ANKRD36: variants seen among roughly 807,000 people sequenced by gnomAD.
The protein encoded by ANKRD36 is ankyrin repeat domain-containing protein 36A.
A neutral mutation model predicts 278.1 loss-of-function variants in ANKRD36; 179 were observed. The ratio of observed to expected loss-of-function variants is 0.64; its 90% CI spans 0.57 to 0.73. The LOEUF is 0.73. Among genes scored for constraint, ANKRD36 ranks in the 30% least tolerant of loss-of-function variants. ANKRD36 has a pLI of 0.00. For synonymous variants in ANKRD36, 320 were observed against 641.1 expected (o/e 0.50, Z 7.57); for missense variants, 1,159 against 1,956.7 (o/e 0.59, Z 7.69).
Position 97,184,828 on chromosome 2 carries a change from G to A in ANKRD36, c.1940-488G>A, listed in dbSNP as rs370440454. ...TTTAGATCCCTTCCACTTAAGAGAC[G>A]TGAAGTGTACATTCATCTGAAGTGT... is the stretch of plus-strand genomic sequence containing the variant. On this transcript the variant is annotated intron_variant, in intron 28 of 75. Coordinates refer to ENST00000420699, the MANE Select transcript of ANKRD36 (RefSeq NM_001354587.1). Among the ~76,000 whole-genome samples, 12 of 151,736 alleles carry A rather than the reference G, an allele frequency of 7.9e-5. No homozygotes were observed. In the East Asian group the frequency reaches 1.7e-3, roughly 22 times the overall value.
intron 66 of ANKRD36, among the ~76,000 whole-genome samples, chr2:97,224,459 T>TC: frequency 6.6e-6 from 1 of 151,644 alleles, no homozygotes; most frequent in Admixed American, 6.6e-5. Context: ...TTTGTTTTTT[T>TC]TTTTTTGAGA....
At chr2:97,153,914 T>G (rs2046771697) in intron 14 of ANKRD36, among the ~76,000 whole-genome samples, 1 of 146,432 alleles carries the variant, frequency 6.8e-6, no homozygotes, top group Non-Finnish European at 1.5e-5. Context: ...CACTAGTCCC[T>G]CTCTTGGATA....
intron 12 of ANKRD36, among the ~76,000 whole-genome samples, chr2:97,151,126 CTCCCTCCTT>C (rs2045859147): frequency 6.6e-6 from 1 of 151,920 alleles, no homozygotes; most frequent in South Asian, 2.1e-4. Flanking sequence ...TTGTTTGTTG[CTCCCTCCTT>C]TCCCTTTGTT....
intron 1 of ANKRD36, among the ~76,000 whole-genome samples, chr2:97,116,928 T>G (rs1430777566): frequency 6.6e-6 from 1 of 152,076 alleles, no homozygotes; most frequent in Non-Finnish European, 1.5e-5. Context: ...AGCAGACAGA[T>G]TCCACCATCT....
In ANKRD36 at chr2:97,209,565, C is replaced by G. The variant is rs554953967; in HGVS notation, c.3266-116C>G. 27 of 1,564,982 alleles carry G rather than the reference C, an allele frequency of 1.7e-5. No homozygotes were observed. In the African/African-American group the frequency reaches 3.3e-4, roughly 19 times the overall value. On this transcript the variant is annotated intron_variant, in intron 54 of 75. Coordinates refer to ENST00000420699, the MANE Select transcript of ANKRD36 (RefSeq NM_001354587.1). ...TCCCCAGACACAAAGTAGAAGCCATCAAAGCCTCCACTAATACAGGCAGGA... is the reference window on the plus strand; with the variant it reads ...TCCCCAGACACAAAGTAGAAGCCATGAAAGCCTCCACTAATACAGGCAGGA...
chr2:97,204,124 A>C (rs1327405128), intron 49 of ANKRD36, 28 bp downstream of exon 49: 2 of 1,574,236 alleles, frequency 1.3e-6, no homozygotes, highest in Non-Finnish European at 1.7e-6. Flanking sequence ...TATATTGTGA[A>C]CTAGTAAATG....
intron 67 of ANKRD36, among the ~76,000 whole-genome samples, chr2:97,227,728 A>C (rs1227186099): frequency 4.6e-5 from 7 of 152,122 alleles, no homozygotes; most frequent in Non-Finnish European, 8.8e-5. Context: ...TTCAAAGGGA[A>C]TGCTTCCAGT....
At chr2:97,197,219 A>G (rs1251024659) in intron 42 of ANKRD36, among the ~76,000 whole-genome samples, 1 of 151,940 alleles carries the variant, frequency 6.6e-6, no homozygotes, top group East Asian at 1.9e-4. Flanking sequence ...CCCCTGTTGT[A>G]GCAATCATTT....
At chr2:97,230,636 A>G (rs1440679474) in intron 67 of ANKRD36, among the ~76,000 whole-genome samples, 4 of 151,962 alleles carry the variant, frequency 2.6e-5, no homozygotes, top group African/African-American at 4.8e-5. Context: ...TCTTCTCTCA[A>G]CTCGTCAAAG....
At chr2:97,234,944 T>C (rs1014016242) in intron 68 of ANKRD36, among the ~76,000 whole-genome samples, 4 of 134,950 alleles carry the variant, frequency 3.0e-5, no homozygotes, top group Non-Finnish European at 6.0e-5. Context: ...TTTACAAGGG[T>C]ATTTTTGCCA....
chr2:97,129,873 G>A (rs1211036836), intron 6 of ANKRD36, among the ~76,000 whole-genome samples: 1 of 152,022 alleles, frequency 6.6e-6, no homozygotes, highest in Non-Finnish European at 1.5e-5. Context: ...GGTTACTGTA[G>A]CCTTGTAGTA....
intron 67 of ANKRD36, among the ~76,000 whole-genome samples, chr2:97,231,906 G>C (rs2153676119): frequency 6.6e-6 from 1 of 152,204 alleles, no homozygotes. Flanking sequence ...TTCATATAGT[G>C]ATAAAATCTT....
intron 20 of ANKRD36, 140 bp downstream of exon 20, chr2:97,164,609 T>C: frequency 2.0e-6 from 2 of 987,756 alleles, no homozygotes; most frequent in East Asian, 5.2e-5. Flanking sequence ...TGTTAATATC[T>C]TTGTTTATAA....
intron 62 of ANKRD36, among the ~76,000 whole-genome samples, chr2:97,216,215 A>T (rs1327593456): frequency 6.6e-6 from 1 of 152,012 alleles, no homozygotes; most frequent in Non-Finnish European, 1.5e-5. Flanking sequence ...TATAAAAATG[A>T]GATAAACTTG....
At chr2:97,211,640 T>C in intron 57 of ANKRD36, 29 bp from the exon 58 acceptor site, 1 of 1,591,900 alleles carries the variant, frequency 6.3e-7, no homozygotes, top group South Asian at 1.1e-5. Context: ...ACTTTATTTA[T>C]TGACTGTTTT....
At chr2:97,244,210 TA>T in intron 70 of ANKRD36, among the ~76,000 whole-genome samples, 181 bp downstream of exon 70, 1 of 148,206 alleles carries the variant, frequency 6.7e-6, no homozygotes, top group African/African-American at 2.4e-5. Flanking sequence ...TATTTTATTT[TA>T]GTTCAAAGGC....
At chr2:97,194,593 C>G in intron 38 of ANKRD36, 133 bp from the exon 39 acceptor site, 1 of 1,511,892 alleles carries the variant, frequency 6.6e-7, no homozygotes, top group Non-Finnish European at 9.0e-7. Flanking sequence ...GGTCCCCAGA[C>G]AGAAAGTAGA....
In ANKRD36 at chr2:97,180,888, T is replaced by C. The variant is rs375533944; in HGVS notation, c.1736-710T>C. Among the ~76,000 whole-genome samples, 167 of 151,810 alleles carry C rather than the reference T, an allele frequency of 1.1e-3. 4 individuals carry two copies. In the East Asian group the frequency reaches 0.013, roughly 12 times the overall value. ...TCTAATGCTTGTAGCAGTTTTACTT[T>C]GTAGAAGTATGTTAACATTGGTAAT... On this transcript the variant is annotated intron_variant, in intron 24 of 75. Coordinates refer to ENST00000420699, the MANE Select transcript of ANKRD36 (RefSeq NM_001354587.1).
intron 56 of ANKRD36, among the ~76,000 whole-genome samples, chr2:97,210,272 A>G (rs1252050630): frequency 1.5e-4 from 23 of 151,824 alleles, no homozygotes; most frequent in African/African-American, 5.6e-4. Context: ...ACCCGTGTAC[A>G]GTGTAGGAGA....
Sources: allele counts gnomAD v4.1 joint callset (sites outside exome capture counted in the v4.1 genomes callset), GRCh38; gene constraint gnomAD v4.1.1; transcripts MANE v1.5; gene names NCBI Gene and HGNC (gene_info 2026-07-23, HGNC 2026-07-21).